ZCWPW2: variants seen among roughly 807,000 people sequenced by gnomAD.
ZCWPW2 encodes the protein zinc finger CW-type and PWWP domain containing 2, also known as zinc finger CW-type PWWP domain protein 2.
Under a neutral mutation model 46.6 loss-of-function variants are expected in ZCWPW2, and 45 were observed. The ratio of observed to expected loss-of-function variants is 0.96; its 90% confidence interval spans 0.76 to 1.24. ZCWPW2 has a LOEUF of 1.24. Among genes scored for constraint, ZCWPW2 ranks in the 50% most tolerant of loss-of-function variants. The probability of loss-of-function intolerance (pLI) is 0.00; values close to 1 mark genes in which losing one functional copy is unlikely to be tolerated. For synonymous variants in ZCWPW2, 152 were observed against 137.1 expected, an observed-to-expected ratio of 1.11 and a Z score of -0.76; for missense variants, 429 against 403.9, an observed-to-expected ratio of 1.06 and a Z score of -0.53.
intron 1 of ZCWPW2, among the ~76,000 whole-genome samples, chr3:28,359,351 A>G (rs992014256): frequency 6.6e-6 from 1 of 152,138 alleles, no homozygotes. Flanking sequence ...TTATGAAGGT[A>G]CAAAACACAG....
chr3:28,498,912 C>T (rs1360628499), intron 6 of ZCWPW2, among the ~76,000 whole-genome samples: 1 of 152,012 alleles, frequency 6.6e-6, no homozygotes, highest in East Asian at 1.9e-4. Flanking sequence ...GTTTTCTGTT[C>T]CTGTGTTAGT....
chr3:28,412,819 T>C (rs1483945754), intron 2 of ZCWPW2, among the ~76,000 whole-genome samples: 1 of 152,042 alleles, frequency 6.6e-6, no homozygotes, highest in East Asian at 1.9e-4. Context: ...CTCCATCATA[T>C]TTTTCTTATT....
At chr3:28,432,756 A>T (rs1226594010) in intron 3 of ZCWPW2, among the ~76,000 whole-genome samples, 1 of 152,210 alleles carries the variant, frequency 6.6e-6, no homozygotes, top group Non-Finnish European at 1.5e-5. Flanking sequence ...GTATTTAAGA[A>T]ATTGTAGACT....
intron 6 of ZCWPW2, among the ~76,000 whole-genome samples, chr3:28,513,316 G>A (rs943961153): frequency 9.9e-5 from 15 of 152,014 alleles, no homozygotes; most frequent in African/African-American, 2.4e-4. Context: ...CTAAGTCTTC[G>A]TGTTAATTAT....
intron 1 of ZCWPW2, among the ~76,000 whole-genome samples, chr3:28,375,149 G>C (rs1309754069): frequency 6.7e-6 from 1 of 149,896 alleles, no homozygotes; most frequent in Non-Finnish European, 1.5e-5. Context: ...ATAACTACTT[G>C]GTTTTTTTTT....
At chr3:28,385,735 C>G (rs1187373080) in intron 1 of ZCWPW2, among the ~76,000 whole-genome samples, 1 of 152,122 alleles carries the variant, frequency 6.6e-6, no homozygotes, top group African/African-American at 2.4e-5. Context: ...GGGAGGCTAG[C>G]CTGCAGGGGA....
At chr3:28,454,135 C>T (rs529623000) in intron 4 of ZCWPW2, among the ~76,000 whole-genome samples, 13 of 152,236 alleles carry the variant, frequency 8.5e-5, no homozygotes, top group Non-Finnish European at 8.8e-5. Context: ...TGAGCCACCG[C>T]GCCCGGCCAA....
At chr3:28,409,742 A>G (rs1337347908) in intron 2 of ZCWPW2, among the ~76,000 whole-genome samples, 1 of 152,168 alleles carries the variant, frequency 6.6e-6, no homozygotes, top group African/African-American at 2.4e-5. Context: ...ACTTGTCAAA[A>G]CCAGTATAGA....
In ZCWPW2 at chr3:28,478,896, A is replaced by G; in HGVS notation, c.575A>G (p.Gln192Arg). The stretch of plus-strand genomic sequence containing the variant: ...CTACTCTATGGATATTCTCATGAGC[A>G]AAGACTGGAAATGTGCTGCCTATCA... ...ACLLYGYSHE[Q>R]RLEMCCLSKL... The change falls in exon 5 of 10, where the codon CAA becomes CGA. Residue 192 changes from glutamine to arginine, a missense_variant. Transcript: ENST00000383768. 2 of 1,587,460 alleles carry G rather than the reference A, an allele frequency of 1.3e-6. No individual in the cohort carries two copies. The highest frequency in any genetic ancestry group is 1.7e-6 in the Non-Finnish European group (2 of 1,170,872).
intron 2 of ZCWPW2, among the ~76,000 whole-genome samples, chr3:28,407,710 A>G (rs1696221841): frequency 6.6e-6 from 1 of 152,148 alleles, no homozygotes; most frequent in African/African-American, 2.4e-5. Flanking sequence ...AAAATTTAAT[A>G]TTTTGTTTTT....
intron 3 of ZCWPW2, among the ~76,000 whole-genome samples, chr3:28,423,360 A>ATC (rs1378825822): frequency 4.6e-5 from 6 of 131,354 alleles, no homozygotes; most frequent in African/African-American, 1.4e-4. Context: ...CCTGTGAGCT[A>ATC]TCTTTTTTTT....
chr3:28,490,857 C>T (rs921303018), intron 5 of ZCWPW2, among the ~76,000 whole-genome samples: 2 of 151,808 alleles, frequency 1.3e-5, no homozygotes, highest in African/African-American at 4.8e-5. Flanking sequence ...AATATAGTAG[C>T]CGATACCAAG....
intron 2 of ZCWPW2, among the ~76,000 whole-genome samples, chr3:28,409,894 A>G (rs1013764851): frequency 9.2e-5 from 14 of 152,186 alleles, no homozygotes; most frequent in African/African-American, 1.4e-4. Context: ...TTAGCAGATC[A>G]TATCTTAGAT....
intron 2 of ZCWPW2, among the ~76,000 whole-genome samples, chr3:28,409,122 CTTTTTTTTTTTTT>C (rs11328735): frequency 2.4e-5 from 2 of 82,326 alleles, no homozygotes; most frequent in Admixed American, 2.9e-4. Context: ...TTTTCTTTTT[CTTTTTTTTTTTTT>C]TTTTTTTTTG....
intron 6 of ZCWPW2, among the ~76,000 whole-genome samples, chr3:28,501,492 G>A (rs575954170): frequency 6.6e-6 from 1 of 152,000 alleles, no homozygotes; most frequent in African/African-American, 2.4e-5. Context: ...CCACAACGAC[G>A]ACCTCCTATA....
intron 4 of ZCWPW2, among the ~76,000 whole-genome samples, chr3:28,447,484 A>G (rs555337811): frequency 1.3e-5 from 2 of 152,180 alleles, no homozygotes; most frequent in South Asian, 4.2e-4. Flanking sequence ...CACTCAACAA[A>G]CTAGGAATGG....
At chr3:28,504,567 A>G (rs935313935) in intron 6 of ZCWPW2, among the ~76,000 whole-genome samples, 1 of 152,222 alleles carries the variant, frequency 6.6e-6, no homozygotes, top group Non-Finnish European at 1.5e-5. Flanking sequence ...TGTGGATACT[A>G]TAACCACTGA....
chr3:28,396,995 G>T (rs2125723685), intron 2 of ZCWPW2, among the ~76,000 whole-genome samples: 1 of 152,188 alleles, frequency 6.6e-6, no homozygotes, highest in Middle Eastern at 3.4e-3. Flanking sequence ...TGGGCGTGGT[G>T]GCACATGCCT....
Position 28,524,640 on chromosome 3 carries a change from T to C in ZCWPW2, c.1023T>C (p.Asp341=). The C allele has an allele frequency of 6.3e-7, 1 of 1,590,222 alleles. No homozygotes were observed. The highest frequency in any genetic ancestry group is 8.6e-7 in the Non-Finnish European group (1 of 1,168,078). ...IKLKAGECIE[D]ITNKFKEIDA... ...TAAAAGCTGGAGAATGTATTGAGGA[T>C]ATAACTAATAAATTTAAAGAAATAG... Residue 341 remains aspartate (D), a synonymous_variant, in exon 10 of 10, where the codon GAT becomes GAC. Transcript: ENST00000383768.
Sources: gnomAD v4.1 joint callset for allele counts (sites outside exome capture counted in the v4.1 genomes callset) on GRCh38, gnomAD v4.1.1 for gene constraint, MANE v1.5 for transcripts, NCBI Gene and HGNC (gene_info 2026-07-23, HGNC 2026-07-21) for gene names.